Variants in GABPA observed in about 807,000 individuals in gnomAD.
GABPA encodes the protein GA binding protein transcription factor subunit alpha.
In GABPA, 4 loss-of-function variants were observed where a neutral mutation model predicts 59.4. That is an observed-to-expected ratio of 0.07 (90% CI 0.03 to 0.15). The LOEUF (loss-of-function observed/expected upper bound fraction) is 0.15, where lower values mean the gene tolerates loss of function less well. GABPA is among the 10% of genes least tolerant of loss of function. The pLI is 1.00. For synonymous variants in GABPA, 164 were observed against 183.1 expected (o/e 0.90, Z 0.84); for missense variants, 251 against 543.8 (o/e 0.46, Z 5.36).
chr21:25,735,661 C>A (rs1032066067), intron 1 of GABPA, 83 bp downstream of exon 1: 1 of 152,254 alleles, frequency 6.6e-6, no homozygotes, highest in Non-Finnish European at 1.5e-5. Context: ...CACAAGGGCC[C>A]CCCCGCGGCC....
chr21:25,741,785 A>G, intron 2 of GABPA, 110 bp downstream of exon 2: 1 of 623,128 alleles, frequency 1.6e-6, no homozygotes, highest in Non-Finnish European at 2.8e-6. Context: ...TGTTCTCAGT[A>G]TTTTAGGGAA....
intron 9 of GABPA, among the ~76,000 whole-genome samples, chr21:25,766,284 C>T (rs552155563): frequency 6.6e-6 from 1 of 152,028 alleles, no homozygotes; most frequent in East Asian, 1.9e-4. Flanking sequence ...TTCCATGTAG[C>T]TTGTAGCTCT....
At position 25,758,498 on chromosome 21, in the gene GABPA, G is replaced by T. The variant is rs569245684; in HGVS notation, c.748+294G>T. ...AGGATTCAAGCCCAGGCTAACATTAGAATCCAAGTTCTTAAATCAGATGCT... is the reference window on the plus strand; with the variant it reads ...AGGATTCAAGCCCAGGCTAACATTATAATCCAAGTTCTTAAATCAGATGCT... On this transcript the variant is annotated intron_variant, in intron 6 of 9. Transcript: ENST00000400075. Among the ~76,000 whole-genome samples the T allele has an allele frequency of 8.5e-5, 13 of 152,254 alleles. No individual in the cohort carries two copies. The South Asian group carries it at 2.7e-3, about 32-fold the overall frequency.
Position 25,747,450 on chromosome 21 carries a change from A to G in GABPA, c.223-1586A>G, listed in dbSNP as rs71649681. On this transcript the variant is annotated intron_variant, in intron 3 of 9. Transcript: ENST00000400075. Reference sequence around the variant, plus strand: ...GGTAATATTTATAATTCATATTGTCATAGAATTCAGGGCTAGCTTTGGATC... The same window carrying G: ...GGTAATATTTATAATTCATATTGTCGTAGAATTCAGGGCTAGCTTTGGATC... Among the ~76,000 whole-genome samples, 1,393 of 152,334 alleles carry G rather than the reference A, an allele frequency of 9.1e-3. 25 individuals are homozygous for G. Among genetic ancestry groups the G allele is most frequent in the African/African-American group, 0.032 (1,326 of 41,564 alleles).
At chr21:25,748,285 G>T (rs972376435) in intron 3 of GABPA, among the ~76,000 whole-genome samples, 7 of 152,182 alleles carry the variant, frequency 4.6e-5, no homozygotes, top group Non-Finnish European at 8.8e-5. Context: ...GACACCATCA[G>T]TTGAATTCTT....
chr21:25,735,026 C>T lies in GABPA; in HGVS notation c.-579C>T. 1 of 1,507,868 alleles carries T rather than the reference C, an allele frequency of 6.6e-7. No homozygotes were observed. The highest frequency in any genetic ancestry group is 9.0e-7 in the Non-Finnish European group (1 of 1,114,402). The allele number at this position is 1,507,868 out of a possible 1,614,324, so 93.4% of individuals were successfully genotyped here. A position where few individuals can be genotyped will look rare whatever the true frequency, so the allele number is the denominator to read the frequency against. ...GTCTCGGAGACAGTCTGCGACCGGA[C>T]GGGTCTAGGTGAGACAGAAGCCAAA... On this transcript the variant is annotated 5_prime_UTR_variant, in exon 1 of 10. The change creates a new upstream start codon in the 5' untranslated region. Coordinates refer to ENST00000400075, the MANE Select transcript of GABPA (RefSeq NM_002040.4).
At chr21:25,761,291 C>G (rs2035760396) in intron 6 of GABPA, among the ~76,000 whole-genome samples, 2 of 152,134 alleles carry the variant, frequency 1.3e-5, no homozygotes, top group South Asian at 2.1e-4. Flanking sequence ...CTAATTTAAA[C>G]TTGAAGAAGT....
At chr21:25,763,963 A>C (rs1295661055) in intron 7 of GABPA, among the ~76,000 whole-genome samples, 2 of 152,142 alleles carry the variant, frequency 1.3e-5, no homozygotes, top group Non-Finnish European at 2.9e-5. Context: ...ATGCATCACT[A>C]AGTTATTTCC....
At chr21:25,738,628 A>C (rs1369118115) in intron 1 of GABPA, among the ~76,000 whole-genome samples, 1 of 152,210 alleles carries the variant, frequency 6.6e-6, no homozygotes, top group East Asian at 1.9e-4. Context: ...TGTATGTTTA[A>C]TCCTTTAAGG....
chr21:25,761,267 G>A (rs1376123215), intron 6 of GABPA, among the ~76,000 whole-genome samples: 1 of 152,166 alleles, frequency 6.6e-6, no homozygotes, highest in Non-Finnish European at 1.5e-5. Context: ...TCATGAGGCA[G>A]TAAGTATAGG....
intron 3 of GABPA, among the ~76,000 whole-genome samples, chr21:25,747,028 A>G (rs1429202118): frequency 6.6e-6 from 1 of 152,228 alleles, no homozygotes; most frequent in East Asian, 1.9e-4. Context: ...CGTAATCTTC[A>G]CATCAGTCTT....
chr21:25,764,802 CT>C lies in GABPA; in HGVS notation c.1136+23del, dbSNP rs746054023. 52 of 1,503,942 alleles carry C rather than the reference CT, an allele frequency of 3.5e-5. No individual in the cohort carries two copies. The highest frequency in any genetic ancestry group is 4.9e-5 in the East Asian group (2 of 41,018). 93.2% of individuals were successfully genotyped at this position (1,503,942 alleles called of 1,614,324 possible). A position where few individuals can be genotyped will look rare whatever the true frequency, so the allele number is the denominator to read the frequency against. ...CGTGCATTAAGGTAAGCCTTTATTA[CT>C]TTTTTTTCTGTTATCAAAAATAGAA... On this transcript the variant is annotated intron_variant, in intron 9 of 9. Coordinates refer to ENST00000400075, the MANE Select transcript of GABPA (RefSeq NM_002040.4).
chr21:25,747,110 A>T (rs1308486331), intron 3 of GABPA, among the ~76,000 whole-genome samples: 1 of 152,226 alleles, frequency 6.6e-6, no homozygotes, highest in Non-Finnish European at 1.5e-5. Context: ...TAATTTGCCC[A>T]ATGTGTGGCT....
intron 5 of GABPA, among the ~76,000 whole-genome samples, chr21:25,755,057 A>G (rs2035600950): frequency 6.6e-6 from 1 of 152,174 alleles, no homozygotes. Flanking sequence ...TCTCGAAAGA[A>G]AAAAAATAAG....
chr21:25,742,014 A>G (rs961771270), intron 2 of GABPA, among the ~76,000 whole-genome samples: 3 of 152,246 alleles, frequency 2.0e-5, no homozygotes, highest in Non-Finnish European at 4.4e-5. Context: ...ACAAATATTT[A>G]TGAGTAACTG....
intron 3 of GABPA, 109 bp downstream of exon 3, chr21:25,745,463 G>T: frequency 9.9e-7 from 1 of 1,005,172 alleles, no homozygotes; most frequent in Non-Finnish European, 1.4e-6. Context: ...AAGAAGATTT[G>T]ACCTGTATTA....
chr21:25,754,543 C>T (rs77998495), intron 5 of GABPA, among the ~76,000 whole-genome samples: 4,357 of 152,004 alleles, frequency 0.029, 76 homozygotes, highest in Non-Finnish European at 0.043. Flanking sequence ...TTTGTTTGTT[C>T]CTTTCTGTAG....
intron 2 of GABPA, among the ~76,000 whole-genome samples, chr21:25,743,867 A>AT (rs1389821327): frequency 6.6e-6 from 1 of 152,016 alleles, no homozygotes; most frequent in Non-Finnish European, 1.5e-5. Context: ...CCTGGCCAAC[A>AT]TGCCAGTCTC....
At chr21:25,761,521 G>A (rs2035765861) in intron 6 of GABPA, among the ~76,000 whole-genome samples, 3 of 152,122 alleles carry the variant, frequency 2.0e-5, no homozygotes, top group Admixed American at 6.6e-5. Flanking sequence ...CACCCTTAGC[G>A]GAGTCTTCTT....
Sources: allele counts gnomAD v4.1 joint callset (sites outside exome capture counted in the v4.1 genomes callset), GRCh38; gene constraint gnomAD v4.1.1; transcripts MANE v1.5; gene names NCBI Gene and HGNC (gene_info 2026-07-23, HGNC 2026-07-21).